SMAD9: variants seen among roughly 807,000 people sequenced by gnomAD.
The protein encoded by SMAD9 is MAD homolog 9.
In SMAD9, 36 loss-of-function variants were observed where a neutral mutation model predicts 46.1. That is an observed-to-expected ratio of 0.78 (90% CI 0.60 to 1.03). The LOEUF is 1.03. Among genes scored for constraint, SMAD9 ranks in the 50% least tolerant of loss-of-function variants. The pLI is 0.00. For synonymous variants in SMAD9, 245 were observed against 237.1 expected (o/e 1.03, Z -0.31); for missense variants, 572 against 599.8 (o/e 0.95, Z 0.48).
At chr13:36,899,903 A>G (rs1455451971) in intron 1 of SMAD9, among the ~76,000 whole-genome samples, 1 of 152,210 alleles carries the variant, frequency 6.6e-6, no homozygotes, top group Non-Finnish European at 1.5e-5. Context: ...CAATTAAAAC[A>G]TAAGTCAGGT....
intron 1 of SMAD9, among the ~76,000 whole-genome samples, chr13:36,919,777 G>A (rs1765032320): frequency 6.6e-6 from 1 of 150,468 alleles, no homozygotes; most frequent in South Asian, 2.1e-4. Context: ...AAGGCGAGCT[G>A]CGCCGCGGCC....
At chr13:36,850,884 T>C (rs1405282117) in intron 6 of SMAD9, among the ~76,000 whole-genome samples, 1 of 152,228 alleles carries the variant, frequency 6.6e-6, no homozygotes, top group Non-Finnish European at 1.5e-5. Context: ...CCATCTTGAT[T>C]GAAGGCAACT....
chr13:36,872,509 G>C, intron 3 of SMAD9, 149 bp downstream of exon 3: 1 of 927,988 alleles, frequency 1.1e-6, no homozygotes, highest in Non-Finnish European at 1.7e-6. Context: ...AATAGGTATA[G>C]TCCTAATCAT....
At chr13:36,872,999 A>C in intron 2 of SMAD9, 84 bp from the exon 3 acceptor site, 1 of 1,507,958 alleles carries the variant, frequency 6.6e-7, no homozygotes, top group Non-Finnish European at 9.1e-7. Flanking sequence ...GTTCTTATCT[A>C]TTTTTTGTTT....
chr13:36,892,476 C>T (rs1488267693), intron 1 of SMAD9, among the ~76,000 whole-genome samples: 2 of 152,158 alleles, frequency 1.3e-5, no homozygotes, highest in Non-Finnish European at 2.9e-5. Flanking sequence ...CTTCCTGTGT[C>T]GCTTCAGATA....
rs34107763 is a variant in SMAD9, at chr13:36,856,798, C to CT, written c.1004-3124dup. 9.5e-3 allele frequency among the ~76,000 whole-genome samples: 1,175 copies of CT among 123,384 alleles called. 28 individuals are homozygous for CT. The highest frequency in any genetic ancestry group is 0.027 in the African/African-American group (807 of 30,342). 80.9% of individuals were successfully genotyped at this position (123,384 alleles called of 152,430 possible). On this transcript the variant is annotated intron_variant, in intron 5 of 6. Transcript: ENST00000379826. ...CCAGGGTGAGGCCGGGTGACCTGCACTTTTTTTTTTTTTTTTTTTTGAGAT... is the reference window on the plus strand; with the variant it reads ...CCAGGGTGAGGCCGGGTGACCTGCACTTTTTTTTTTTTTTTTTTTTTGAGAT...
chr13:36,874,061 T>C (rs79805628), intron 2 of SMAD9, among the ~76,000 whole-genome samples: 3,567 of 152,296 alleles, frequency 0.023, 138 homozygotes, highest in African/African-American at 0.081. Flanking sequence ...AAGGTTACAA[T>C]GCCTGGCATA....
intron 5 of SMAD9, among the ~76,000 whole-genome samples, chr13:36,861,218 T>A (rs572022556): frequency 6.6e-6 from 1 of 152,352 alleles, no homozygotes; most frequent in Non-Finnish European, 1.5e-5. Context: ...GCCAGCCATT[T>A]AGCTAATTTA....
At chr13:36,911,615 T>G (rs1401946676) in intron 1 of SMAD9, among the ~76,000 whole-genome samples, 1 of 84,404 alleles carries the variant, frequency 1.2e-5, no homozygotes, top group Non-Finnish European at 2.8e-5. Context: ...AAAGGCTGCC[T>G]GGGGGGGGGG....
At chr13:36,917,861 A>C (rs192960295) in intron 1 of SMAD9, among the ~76,000 whole-genome samples, 1 of 152,292 alleles carries the variant, frequency 6.6e-6, no homozygotes, top group East Asian at 1.9e-4. Flanking sequence ...TGCATAGTGC[A>C]CTCTCATTAA....
intron 6 of SMAD9, chr13:36,852,395 G>A (rs1268065377): frequency 1.2e-5 from 12 of 984,926 alleles, no homozygotes; most frequent in South Asian, 4.7e-5. Flanking sequence ...ACTCATTTGC[G>A]AGTACTTTGC....
At chr13:36,882,084 C>G (rs2058407315) in intron 1 of SMAD9, among the ~76,000 whole-genome samples, 1 of 151,946 alleles carries the variant, frequency 6.6e-6, no homozygotes, top group Admixed American at 6.6e-5. Context: ...TTCTATTTAC[C>G]AATGGCATGT....
intron 1 of SMAD9, among the ~76,000 whole-genome samples, chr13:36,906,306 C>T (rs1401670764): frequency 3.3e-5 from 5 of 151,934 alleles, no homozygotes; most frequent in Non-Finnish European, 5.9e-5. Context: ...TGTTTTATTC[C>T]TTTTATTTAT....
chr13:36,895,800 C>T (rs1234898862), intron 1 of SMAD9, among the ~76,000 whole-genome samples: 2 of 151,986 alleles, frequency 1.3e-5, no homozygotes, highest in Non-Finnish European at 2.9e-5. Flanking sequence ...TGAAGTTACT[C>T]AGGTTGAAGA....
intron 1 of SMAD9, among the ~76,000 whole-genome samples, chr13:36,889,970 T>A (rs2058476651): frequency 6.7e-6 from 1 of 150,190 alleles, no homozygotes; most frequent in Admixed American, 6.6e-5. Flanking sequence ...GAAAGATTAT[T>A]TGTCTTATGA....
intron 1 of SMAD9, among the ~76,000 whole-genome samples, chr13:36,897,413 T>C (rs2058537616): frequency 6.6e-6 from 1 of 152,222 alleles, no homozygotes; most frequent in Non-Finnish European, 1.5e-5. Context: ...ATAAATCTAC[T>C]TCATTCTTGG....
intron 1 of SMAD9, among the ~76,000 whole-genome samples, chr13:36,917,224 T>C (rs905590587): frequency 2.0e-5 from 3 of 152,184 alleles, no homozygotes; most frequent in African/African-American, 7.2e-5. Flanking sequence ...TGACACAAGT[T>C]TCTTAAGAGA....
intron 2 of SMAD9, among the ~76,000 whole-genome samples, chr13:36,879,005 C>G (rs1360487974): frequency 6.6e-6 from 1 of 152,182 alleles, no homozygotes; most frequent in East Asian, 1.9e-4. Flanking sequence ...CTGGCTATAA[C>G]AGGGTTTTAC....
chr13:36,880,020 C>T, intron 1 of SMAD9, 145 bp from the exon 2 acceptor site: 1 of 370,866 alleles, frequency 2.7e-6, no homozygotes, highest in South Asian at 3.3e-5. Context: ...CAAGGCTGCG[C>T]CACTGCACTC....
Sources: allele counts gnomAD v4.1 joint callset (sites outside exome capture counted in the v4.1 genomes callset), GRCh38; gene constraint gnomAD v4.1.1; transcripts MANE v1.5; gene names NCBI Gene and HGNC (gene_info 2026-07-23, HGNC 2026-07-21).